RTTN: variants seen among roughly 807,000 people sequenced by gnomAD.
RTTN encodes rotatin.
In RTTN, 182 loss-of-function variants were observed where a neutral mutation model predicts 269.2. That is an observed-to-expected ratio of 0.68 (90% confidence interval 0.60 to 0.76). The LOEUF is 0.76. RTTN is among the 30% of genes least tolerant of loss of function. The pLI is 0.00. For synonymous variants in RTTN, 1,006 were observed against 963.5 expected, an observed-to-expected ratio of 1.04 and a Z score of -0.82; for missense variants, 2,545 against 2,608.6, an observed-to-expected ratio of 0.98 and a Z score of 0.53.
chr18:70,080,383 C>T (rs1014125788), intron 32 of RTTN, among the ~76,000 whole-genome samples: 28 of 152,112 alleles, frequency 1.8e-4, no homozygotes, highest in African/African-American at 6.8e-4. Flanking sequence ...GAACACTTTG[C>T]TGTACCAGAA....
chr18:70,200,877 GATTC>G (rs1280264000), intron 4 of RTTN, among the ~76,000 whole-genome samples: 2 of 152,274 alleles, frequency 1.3e-5, no homozygotes, highest in South Asian at 2.1e-4. Flanking sequence ...ACTCCAGGAG[GATTC>G]ATTCATTCCT....
At chr18:70,032,575 GACAA>G in intron 40 of RTTN, among the ~76,000 whole-genome samples, 1 of 152,124 alleles carries the variant, frequency 6.6e-6, no homozygotes, top group South Asian at 2.1e-4. Flanking sequence ...AGATAAAAAA[GACAA>G]AGAAGGGCAT....
intron 32 of RTTN, among the ~76,000 whole-genome samples, chr18:70,076,032 C>T (rs189150168): frequency 1.3e-5 from 2 of 152,134 alleles, no homozygotes; most frequent in East Asian, 3.9e-4. Context: ...TTACTTCCCA[C>T]TGAATTAATC....
intron 25 of RTTN, among the ~76,000 whole-genome samples, chr18:70,122,059 G>A (rs547670878): frequency 6.6e-6 from 1 of 152,186 alleles, no homozygotes; most frequent in East Asian, 1.9e-4. Context: ...ATGTTTCACT[G>A]ATGAGAAGAA....
At chr18:70,121,873 A>G (rs1417365886) in intron 25 of RTTN, among the ~76,000 whole-genome samples, 173 bp from the exon 26 acceptor site, 1 of 152,236 alleles carries the variant, frequency 6.6e-6, no homozygotes, top group African/African-American at 2.4e-5. Flanking sequence ...TCTGCCTTCA[A>G]GAACATGAGC....
chr18:70,181,096 A>T (rs1195972290), intron 10 of RTTN, among the ~76,000 whole-genome samples: 1 of 152,194 alleles, frequency 6.6e-6, no homozygotes, highest in Non-Finnish European at 1.5e-5. Flanking sequence ...GGATACAAAG[A>T]TCTTTAGTTT....
chr18:70,087,451 G>T (rs2058730466), intron 31 of RTTN, among the ~76,000 whole-genome samples: 1 of 152,080 alleles, frequency 6.6e-6, no homozygotes, highest in African/African-American at 2.4e-5. Flanking sequence ...ACTGCTAATG[G>T]TGGACCCAGG....
At chr18:70,181,450 A>AG (rs1176293897) in intron 10 of RTTN, among the ~76,000 whole-genome samples, 2 of 152,176 alleles carry the variant, frequency 1.3e-5, no homozygotes, top group African/African-American at 4.8e-5. Flanking sequence ...GACATACTTT[A>AG]GGTCAGCATA....
At chr18:70,120,351 A>T (rs1258789228) in intron 26 of RTTN, among the ~76,000 whole-genome samples, 2 of 152,154 alleles carry the variant, frequency 1.3e-5, no homozygotes, top group Non-Finnish European at 2.9e-5. Context: ...ATATTATGTT[A>T]AAAACAACAG....
intron 44 of RTTN, chr18:70,021,198 T>C (rs553611105): frequency 1.3e-5 from 2 of 159,910 alleles, no homozygotes; most frequent in Non-Finnish European, 2.7e-5. Flanking sequence ...ATAAGGAACA[T>C]AATATCCCTG....
At chr18:70,119,866 GCTCA>G (rs2059691653) in intron 26 of RTTN, among the ~76,000 whole-genome samples, 1 of 152,124 alleles carries the variant, frequency 6.6e-6, no homozygotes, top group African/African-American at 2.4e-5. Flanking sequence ...TTTATTGAGA[GCTCA>G]CTATGTGCAA....
At chr18:70,096,722 G>T (rs986591700) in intron 28 of RTTN, among the ~76,000 whole-genome samples, 1 of 152,294 alleles carries the variant, frequency 6.6e-6, no homozygotes, top group East Asian at 1.9e-4. Flanking sequence ...CCTATATGAG[G>T]TGTCTGTCAA....
rs550600278 is a variant in RTTN at position 70,098,559 on chromosome 18, C to T, written c.3904-5755G>A. ...ATATACCTGTTTTTTAAAATTCATA[C>T]ATTTCTAATAGACAGCAGAAAATAA... On this transcript the variant is annotated intron_variant, in intron 28 of 48. Transcript: ENST00000640769. 9.4e-4 allele frequency among the ~76,000 whole-genome samples: 143 copies of T among 152,230 alleles called. 1 individual carries two copies. The highest frequency in any genetic ancestry group is 3.3e-3 in the African/African-American group (136 of 41,546).
rs565831809 is a variant in RTTN, at chr18:70,067,482, A to G, written c.4654-1560T>C. On this transcript the variant is annotated intron_variant, in intron 34 of 48. Coordinates refer to ENST00000640769, the MANE Select transcript of RTTN (RefSeq NM_173630.4). ...CAAGCTTGTTTATTTTTAAAAATAT[A>G]TTTGCCTACAATTTGGCAATGAGAG... 2.0e-5 allele frequency among the ~76,000 whole-genome samples: 3 copies of G among 152,290 alleles called. No individual in the cohort carries two copies. In the East Asian group the frequency reaches 5.8e-4, roughly 29 times the overall value.
At chr18:70,159,475 T>C (rs545840188) in intron 14 of RTTN, among the ~76,000 whole-genome samples, 48 of 152,210 alleles carry the variant, frequency 3.2e-4, no homozygotes, top group African/African-American at 1.1e-3. Context: ...TAAATGCCTA[T>C]ATGAAGAAGT....
chr18:70,092,040 A>G, intron 30 of RTTN, 70 bp downstream of exon 30: 1 of 950,590 alleles, frequency 1.1e-6, no homozygotes, highest in Non-Finnish European at 1.7e-6. Flanking sequence ...GGCATGAGCC[A>G]CCGCACCTGG....
In RTTN at chr18:70,054,251, A is replaced by G; in HGVS notation, c.5065T>C (p.Ser1689Pro). The change falls in exon 38 of 49, where the codon TCC becomes CCC. Residue 1689 changes from serine to proline, a missense_variant. Physicochemically the swap from Ser to Pro is moderately conservative, Grantham distance 74. Transcript: ENST00000640769. ...AATAAACATGACTGCAGAAGCCTGG[A>G]CAAAGAGGATAGGTATTCCAGGAGA... ...SFLLEYLSSLSRLLQSCLLVE... is the reference protein window; with the variant it reads ...SFLLEYLSSLPRLLQSCLLVE... The G allele has an allele frequency of 6.2e-7, 1 of 1,613,840 alleles. No individual in the cohort carries two copies. Among genetic ancestry groups the G allele is most frequent in the Non-Finnish European group, 8.5e-7 (1 of 1,179,840 alleles).
chr18:70,205,547 C>G, intron 1 of RTTN, 81 bp downstream of exon 1: 1 of 1,577,954 alleles, frequency 6.3e-7, no homozygotes, highest in Non-Finnish European at 8.7e-7. Context: ...AGCGGCCGGC[C>G]GCGGAAACGT....
intron 39 of RTTN, among the ~76,000 whole-genome samples, chr18:70,050,599 T>C (rs1306244982): frequency 6.6e-6 from 1 of 152,146 alleles, no homozygotes; most frequent in Non-Finnish European, 1.5e-5. Flanking sequence ...TTATAAATCA[T>C]CCTACTGTAA....
Sources: gnomAD v4.1 joint callset for allele counts (sites outside exome capture counted in the v4.1 genomes callset) on GRCh38, gnomAD v4.1.1 for gene constraint, MANE v1.5 for transcripts, NCBI Gene and HGNC (gene_info 2026-07-23, HGNC 2026-07-21) for gene names.